Variants in THADA observed in about 807,000 individuals in gnomAD.
THADA encodes tRNA (32-2'-O)-methyltransferase regulator THADA.
In THADA, 213 loss-of-function variants were observed where a neutral mutation model predicts 219.8. The ratio of observed to expected loss-of-function variants is 0.97; its 90% CI spans 0.87 to 1.09. THADA has a LOEUF of 1.09. THADA is among the 50% of genes least tolerant of loss of function. The pLI is 0.00. For synonymous variants in THADA, 1,018 were observed against 828.9 expected (o/e 1.23, Z -3.92); for missense variants, 2,956 against 2,311.3 (o/e 1.28, Z -5.72).
At chr2:43,528,836 A>C (rs1390255348) in intron 21 of THADA, among the ~76,000 whole-genome samples, 1 of 152,050 alleles carries the variant, frequency 6.6e-6, no homozygotes, top group African/African-American at 2.4e-5. Flanking sequence ...AATATTTATC[A>C]TTGTAACCCT....
intron 36 of THADA, among the ~76,000 whole-genome samples, chr2:43,234,033 A>G (rs1667744761): frequency 6.6e-6 from 1 of 152,160 alleles, no homozygotes; most frequent in South Asian, 2.1e-4. Context: ...CTGCAACAGC[A>G]GGCTTAGTTC....
At chr2:43,471,915 T>C (rs952042879) in intron 26 of THADA, among the ~76,000 whole-genome samples, 1 of 152,192 alleles carries the variant, frequency 6.6e-6, no homozygotes, top group Non-Finnish European at 1.5e-5. Context: ...ATACAGTTGA[T>C]CCTTAATACA....
chr2:43,371,654 C>G (rs890646366), intron 29 of THADA, among the ~76,000 whole-genome samples: 2 of 152,098 alleles, frequency 1.3e-5, no homozygotes, highest in Non-Finnish European at 2.9e-5. Flanking sequence ...CTCTTTGATT[C>G]TTTTGTTAAC....
In THADA at chr2:43,574,347, T is replaced by A. The variant is rs918778618; in HGVS notation, c.1718A>T (p.Asp573Val). ...TGCATTTTTCTTACCAGTTTTAGCA[T>A]CAATAGAAGTCTGAAGAATCTTTAC... ...YMVKILQTSI[D>V]AKTGQEQSFP... is the part of the protein sequence containing the mutation. The change falls in exon 11 of 38, where the codon GAT (aspartate) becomes GTT (valine). Residue 573 changes from aspartate to valine, a missense_variant. Asp to Val is a radical substitution (Grantham distance 152). Transcript: ENST00000405975. The A allele has an allele frequency of 3.0e-5, 47 of 1,558,514 alleles. No homozygotes were observed. Among genetic ancestry groups the A allele is most frequent in the Non-Finnish European group, 3.9e-5 (45 of 1,156,602 alleles).
chr2:43,365,593 A>G (rs895016826), intron 29 of THADA, among the ~76,000 whole-genome samples: 10 of 151,722 alleles, frequency 6.6e-5, no homozygotes, highest in African/African-American at 2.4e-4. Context: ...ACACACACAC[A>G]CACACGCACA....
At chr2:43,482,381 G>A (rs963097605) in intron 26 of THADA, among the ~76,000 whole-genome samples, 2 of 151,944 alleles carry the variant, frequency 1.3e-5, no homozygotes, top group Admixed American at 6.6e-5. Flanking sequence ...TGTACTATGC[G>A]ACAGGGACTG....
Position 43,293,046 on chromosome 2 carries a change from C to T in THADA, c.4606G>A (p.Glu1536Lys). The stretch of plus-strand genomic sequence containing the variant: ...GAGATGGGGACATTCGTCTCCCGCT[C>T]TCCACTCTTGGCTGCCGCGGCCCAC... ...AVWAAAAKSG[E>K]RETNVPISFS... Residue 1536 changes from glutamate to lysine, a missense_variant, in exon 32 of 38, where the codon GAG (glutamate) becomes AAG (lysine). Coordinates refer to ENST00000405975, the MANE Select transcript of THADA (RefSeq NM_022065.5). 1 of 1,614,014 alleles carries T rather than the reference C, an allele frequency of 6.2e-7. No homozygotes were observed. Among genetic ancestry groups the T allele is most frequent in the East Asian group, 2.2e-5 (1 of 44,874 alleles).
At chr2:43,504,820 G>A (rs774443258) in intron 24 of THADA, among the ~76,000 whole-genome samples, 26 of 152,144 alleles carry the variant, frequency 1.7e-4, no homozygotes, top group Non-Finnish European at 7.4e-5. Flanking sequence ...GGAGGCGGAG[G>A]TTGCAGTGAG....
At chr2:43,489,807 T>A (rs1687386969) in intron 25 of THADA, among the ~76,000 whole-genome samples, 1 of 151,398 alleles carries the variant, frequency 6.6e-6, no homozygotes, top group Admixed American at 6.6e-5. Flanking sequence ...CCTCCAACTT[T>A]GTTCTTTTTC....
At chr2:43,427,174 C>A (rs1477342689) in intron 28 of THADA, among the ~76,000 whole-genome samples, 1 of 152,142 alleles carries the variant, frequency 6.6e-6, no homozygotes, top group African/African-American at 2.4e-5. Flanking sequence ...ACCCATTGCA[C>A]CGGCTCGCAG....
chr2:43,414,753 T>C (rs1273325114), intron 28 of THADA, among the ~76,000 whole-genome samples: 1 of 152,220 alleles, frequency 6.6e-6, no homozygotes, highest in Non-Finnish European at 1.5e-5. Context: ...TCACTGCTTC[T>C]CTGATAACAA....
intron 4 of THADA, among the ~76,000 whole-genome samples, 170 bp from the exon 5 acceptor site, chr2:43,587,172 T>A (rs1701115696): frequency 6.6e-6 from 1 of 152,154 alleles, no homozygotes. Flanking sequence ...TGTCAGCACA[T>A]CTGGTCTCCC....
chr2:43,479,528 T>C (rs919577299), intron 26 of THADA, among the ~76,000 whole-genome samples: 2 of 151,790 alleles, frequency 1.3e-5, no homozygotes, highest in African/African-American at 4.8e-5. Flanking sequence ...TCTAGAGAAA[T>C]CATAAGAATT....
intron 24 of THADA, among the ~76,000 whole-genome samples, chr2:43,504,097 A>G (rs1463283215): frequency 6.6e-6 from 1 of 152,196 alleles, no homozygotes; most frequent in Non-Finnish European, 1.5e-5. Flanking sequence ...ACTCTGAAAC[A>G]CTTCTGGTCC....
intron 19 of THADA, among the ~76,000 whole-genome samples, chr2:43,551,143 G>A (rs1009059421): frequency 6.6e-6 from 1 of 152,156 alleles, no homozygotes; most frequent in Non-Finnish European, 1.5e-5. Flanking sequence ...TTCAGCATAT[G>A]GTTCAGTGAG....
rs150579993 is a variant in THADA, at chr2:43,455,105, T to G, written c.3837-24803A>C. On this transcript the variant is annotated intron_variant, in intron 26 of 37. Transcript: ENST00000405975. ...TTTCTGAACTTCTGTAAGTTGAATG[T>G]TCAACTGCCTGATAATCCTCTAATC... Among the ~76,000 whole-genome samples, 1,352 of 152,302 alleles carry G rather than the reference T, an allele frequency of 8.9e-3. 20 individuals carry two copies. The highest frequency in any genetic ancestry group is 0.031 in the African/African-American group (1,284 of 41,552).
In THADA at chr2:43,577,985, G is replaced by C. The variant is rs571948354; in HGVS notation, c.816+528C>G. ...AATGTACATCAAAAATGTTTATAGT[G>C]ATTATCTTTGTGAGATGGACTTACA... On this transcript the variant is annotated intron_variant, in intron 9 of 37. Transcript: ENST00000405975. 3.3e-5 allele frequency among the ~76,000 whole-genome samples: 5 copies of C among 152,090 alleles called. No individual in the cohort carries two copies. The South Asian group carries it at 1.0e-3, about 32-fold the overall frequency.
At chr2:43,400,484 T>TATATATATAC (rs1553427596) in intron 28 of THADA, among the ~76,000 whole-genome samples, 7 of 145,930 alleles carry the variant, frequency 4.8e-5, no homozygotes, top group Non-Finnish European at 1.1e-4. Context: ...TATAAATATA[T>TATATATATAC]ACACTAAGAA....
intron 19 of THADA, 103 bp from the exon 20 acceptor site, chr2:43,549,471 T>C: frequency 8.5e-7 from 1 of 1,179,556 alleles, no homozygotes. Context: ...CAATACTTAA[T>C]AATCAGCTTT....
Sources: gnomAD v4.1 joint callset for allele counts (sites outside exome capture counted in the v4.1 genomes callset) on GRCh38, gnomAD v4.1.1 for gene constraint, MANE v1.5 for transcripts, NCBI Gene and HGNC (gene_info 2026-07-23, HGNC 2026-07-21) for gene names.